EPB41L3: variants seen among roughly 807,000 people sequenced by gnomAD.
EPB41L3 encodes the protein erythrocyte membrane protein band 4.1 like 3.
A neutral mutation model predicts 127.1 loss-of-function variants in EPB41L3; 57 were observed. The observed-to-expected ratio is 0.45, with a 90% CI of 0.36 to 0.56. The LOEUF is 0.56. EPB41L3 is among the 20% of genes least tolerant of loss of function. The pLI is 0.00. For synonymous variants in EPB41L3, 572 were observed against 549.5 expected (o/e 1.04, Z -0.57); for missense variants, 1,273 against 1,372.2 (o/e 0.93, Z 1.14).
chr18:5,432,820 C>T (rs934584547), intron 8 of EPB41L3, among the ~76,000 whole-genome samples: 2 of 152,174 alleles, frequency 1.3e-5, no homozygotes, highest in African/African-American at 4.8e-5. Context: ...CGAAGCAAAC[C>T]TTAGCCTAGG....
intron 3 of EPB41L3, among the ~76,000 whole-genome samples, chr18:5,600,500 A>G (rs1486208314): frequency 2.0e-5 from 3 of 152,210 alleles, no homozygotes; most frequent in Non-Finnish European, 4.4e-5. Flanking sequence ...ATAAAAAAAG[A>G]GTATATTCAA....
At chr18:5,396,375 A>G (rs1183882353) in intron 18 of EPB41L3, 43 bp from the exon 19 acceptor site, 1 of 1,612,094 alleles carries the variant, frequency 6.2e-7, no homozygotes, top group African/African-American at 1.3e-5. Flanking sequence ...TATAGTTTGC[A>G]TGAACACATT....
chr18:5,505,248 G>C (rs1366431116), intron 1 of EPB41L3, among the ~76,000 whole-genome samples: 3 of 152,062 alleles, frequency 2.0e-5, no homozygotes, highest in African/African-American at 7.3e-5. Context: ...GAGTCTTCCA[G>C]AACAGTCAAT....
chr18:5,508,766 C>CAAAAAAAA (rs397969769), intron 1 of EPB41L3, among the ~76,000 whole-genome samples: 1 of 52,592 alleles, frequency 1.9e-5, no homozygotes. Context: ...GACTCCATCT[C>CAAAAAAAA]AAAAAAAAAA....
At chr18:5,447,678 C>G (rs2081696853) in intron 3 of EPB41L3, among the ~76,000 whole-genome samples, 2 of 152,078 alleles carry the variant, frequency 1.3e-5, no homozygotes, top group African/African-American at 4.8e-5. Flanking sequence ...CTGCAGGCGC[C>G]CTGGTTACAG....
chr18:5,536,581 C>G (rs2093579591), intron 1 of EPB41L3, among the ~76,000 whole-genome samples: 1 of 150,758 alleles, frequency 6.6e-6, no homozygotes, highest in African/African-American at 2.4e-5. Flanking sequence ...GCGGGCAGAT[C>G]ATTTGAGGTC....
At chr18:5,485,499 T>C (rs1469577387) in intron 2 of EPB41L3, among the ~76,000 whole-genome samples, 1 of 151,796 alleles carries the variant, frequency 6.6e-6, no homozygotes, top group African/African-American at 2.4e-5. Context: ...GCTGGCACAA[T>C]TGGGCAAAAG....
intron 1 of EPB41L3, among the ~76,000 whole-genome samples, chr18:5,540,916 C>T (rs1421999395): frequency 1.3e-5 from 2 of 151,992 alleles, no homozygotes; most frequent in Non-Finnish European, 2.9e-5. Context: ...AACCCCTTCT[C>T]TACCAAAAAT....
chr18:5,446,055 T>C (rs1296781154), intron 3 of EPB41L3, among the ~76,000 whole-genome samples: 1 of 152,216 alleles, frequency 6.6e-6, no homozygotes, highest in Non-Finnish European at 1.5e-5. Context: ...GCTCCTTGTC[T>C]TAGGCAGACT....
At chr18:5,597,702 T>C (rs1568625982) in intron 3 of EPB41L3, among the ~76,000 whole-genome samples, 1 of 152,170 alleles carries the variant, frequency 6.6e-6, no homozygotes, top group African/African-American at 2.4e-5. Flanking sequence ...ATCAGCCTCA[T>C]TCTGGAAGGG....
intron 6 of EPB41L3, among the ~76,000 whole-genome samples, chr18:5,435,123 GAAAGA>G (rs2079569924): frequency 6.6e-6 from 1 of 152,140 alleles, no homozygotes; most frequent in South Asian, 2.1e-4. Context: ...AGGATATAAA[GAAAGA>G]AAATATTTTT....
At chr18:5,582,631 G>A (rs111463046) in intron 3 of EPB41L3, among the ~76,000 whole-genome samples, 70 of 152,290 alleles carry the variant, frequency 4.6e-4, no homozygotes, top group African/African-American at 1.6e-3. Flanking sequence ...GAGAACATGA[G>A]TGCTAGAAAG....
chr18:5,623,589 A>G (rs1382667030), intron 1 of EPB41L3, among the ~76,000 whole-genome samples: 1 of 151,856 alleles, frequency 6.6e-6, no homozygotes, highest in Non-Finnish European at 1.5e-5. Flanking sequence ...ATAATAATTT[A>G]TTTCTTCACC....
At chr18:5,541,996 C>T (rs1024280259) in intron 1 of EPB41L3, among the ~76,000 whole-genome samples, 3 of 152,208 alleles carry the variant, frequency 2.0e-5, no homozygotes, top group African/African-American at 7.2e-5. Flanking sequence ...AACCATAATG[C>T]AAATGAGACA....
intron 3 of EPB41L3, among the ~76,000 whole-genome samples, chr18:5,449,087 C>T (rs955427732): frequency 2.6e-5 from 4 of 152,014 alleles, no homozygotes; most frequent in Non-Finnish European, 5.9e-5. Context: ...TTGCAAAACA[C>T]GTATCTGATA....
rs10622515 is a variant in EPB41L3 at position 5,622,951 on chromosome 18, A to ATTTTT, written c.-468+5966_-468+5970dup. Among the ~76,000 whole-genome samples, 485 of 76,048 alleles carry ATTTTT rather than the reference A, an allele frequency of 6.4e-3. 93 individuals carry two copies. The highest frequency in any genetic ancestry group is 0.014 in the African/African-American group (264 of 18,418). 49.9% of individuals were successfully genotyped at this position (76,048 alleles called of 152,430 possible). ...GAGAGATTTGTATGGCATAATGCTG[A>ATTTTT]TTTTTTTTTTTTTTTTTTTTTTTTT... is the stretch of plus-strand genomic sequence containing the variant. On this transcript the variant is annotated intron_variant, in intron 1 of 21. Coordinates refer to the EPB41L3 transcript ENST00000545076.
At chr18:5,544,988 T>G (rs1272489439), upstream of EPB41L3, among the ~76,000 whole-genome samples, 1 of 151,986 alleles carries the variant, frequency 6.6e-6, no homozygotes, top group Non-Finnish European at 1.5e-5. Context: ...TATGTATATT[T>G]AAGGCATACA....
At chr18:5,412,867 CT>C (rs1281228507) in intron 13 of EPB41L3, among the ~76,000 whole-genome samples, 2 of 111,500 alleles carry the variant, frequency 1.8e-5, no homozygotes, top group African/African-American at 1.2e-4. Context: ...ACACTCAGAG[CT>C]AAAAAAAAAA....
intron 1 of EPB41L3, among the ~76,000 whole-genome samples, chr18:5,622,951 A>ATTTTTTTTTTT (rs10622515): frequency 2.6e-5 from 2 of 76,046 alleles, no homozygotes; most frequent in Non-Finnish European, 4.6e-5. Flanking sequence ...CATAATGCTG[A>ATTTTTTTTTTT]TTTTTTTTTT....
Sources: allele counts gnomAD v4.1 joint callset (sites outside exome capture counted in the v4.1 genomes callset), GRCh38; gene constraint gnomAD v4.1.1; transcripts MANE v1.5; gene names NCBI Gene and HGNC (gene_info 2026-07-23, HGNC 2026-07-21).